The following CALM3 variants were observed in gnomAD, a reference collection of about 807,000 sequenced individuals.
The protein encoded by CALM3 is calmodulin-3.
Under a neutral mutation model 20.1 loss-of-function variants are expected in CALM3, and 5 were observed. The observed-to-expected ratio is 0.25, with a 90% CI of 0.13 to 0.52. The LOEUF (loss-of-function observed/expected upper bound fraction) is 0.52, where lower values mean the gene tolerates loss of function less well. Among genes scored for constraint, CALM3 ranks in the 20% least tolerant of loss-of-function variants. CALM3 has a pLI of 0.96. For missense variants in CALM3, 57 were observed against 192.8 expected (o/e 0.30, Z 4.17); for synonymous variants, 69 against 68.1 (o/e 1.01, Z -0.06).
At position 46,605,929 on chromosome 19, in the gene CALM3, G is replaced by A; in HGVS notation, c.34+72G>A. 1 of 1,365,578 alleles carries A rather than the reference G, an allele frequency of 7.3e-7. No individual in the cohort carries two copies. Among genetic ancestry groups the A allele is most frequent in the Non-Finnish European group, 1.0e-6 (1 of 954,612 alleles). 84.6% of individuals were successfully genotyped at this position (1,365,578 alleles called of 1,614,324 possible). A position where few individuals can be genotyped will look rare whatever the true frequency, so the allele number is the denominator to read the frequency against. ...CCCCAGCCAAATCTTAGCCACTGAG[G>A]AGTGACATCTGATGGGTGAACCTGT... is the stretch of plus-strand genomic sequence containing the variant. On this transcript the variant is annotated intron_variant, in intron 2 of 5. Transcript: ENST00000291295. This position sits in a 1 kb window ranked among gnomAD's most constrained non-coding sequence, Gnocchi z 4.1.
At position 46,601,787 on chromosome 19, in the gene CALM3, G is replaced by A. The variant is rs1256877052; in HGVS notation, c.3+350G>A. Reference sequence around the variant, plus strand: ...ATGGGGCGTTGGGTTTCAGGATGGAGGTGTTTGGACCCCAGGGGACGAAAT... The same window carrying A: ...ATGGGGCGTTGGGTTTCAGGATGGAAGTGTTTGGACCCCAGGGGACGAAAT... On this transcript the variant is annotated intron_variant, in intron 1 of 5. Transcript: ENST00000291295. This position sits in a 1 kb window ranked among gnomAD's most constrained non-coding sequence, Gnocchi z 4.2. Among the ~76,000 whole-genome samples, 1 of 152,198 alleles carries A rather than the reference G, an allele frequency of 6.6e-6. No homozygotes were observed. The highest frequency in any genetic ancestry group is 1.5e-5 in the Non-Finnish European group (1 of 68,036).
In CALM3 at chr19:46,605,445, G is replaced by C. The variant is rs1054764756; in HGVS notation, c.4-382G>C. 2.2e-5 allele frequency: 5 copies of C among 224,640 alleles called. No homozygotes were observed. The highest frequency in any genetic ancestry group is 4.7e-5 in the African/African-American group (2 of 42,974). The allele number at this position is 224,640 out of a possible 1,614,324, so 13.9% of individuals were successfully genotyped here. A position where few individuals can be genotyped will look rare whatever the true frequency, so the allele number is the denominator to read the frequency against. On this transcript the variant is annotated intron_variant, in intron 1 of 5. Coordinates refer to ENST00000291295, the MANE Select transcript of CALM3 (RefSeq NM_005184.4). The surrounding 1 kb of genome is among the most constrained non-coding windows in gnomAD (Gnocchi z 4.1). ...TCGTTCCCTTCACTCGGCCTCTGGG[G>C]CTCTCACTGATGAGATGCAAACCTG...
chr19:46,609,188 T>C lies in CALM3; in HGVS notation c.*35T>C, dbSNP rs1357645531. 6.2e-7 allele frequency: 1 copy of C among 1,610,290 alleles called. No homozygotes were observed. Among genetic ancestry groups the C allele is most frequent in the East Asian group, 2.2e-5 (1 of 44,816 alleles). On this transcript the variant is annotated 3_prime_UTR_variant, in exon 6 of 6. Transcript: ENST00000291295. ...GGGCAGCTGGCGATGCCCGTTCTCTTGATCTCTCTCTTCTCGCGCGCGCAC... is the reference window on the plus strand; with the variant it reads ...GGGCAGCTGGCGATGCCCGTTCTCTCGATCTCTCTCTTCTCGCGCGCGCAC...
At chr19:46,604,863 A>G (rs1372610070) in intron 1 of CALM3, among the ~76,000 whole-genome samples, 2 of 152,056 alleles carry the variant, frequency 1.3e-5, no homozygotes, top group Non-Finnish European at 2.9e-5. Flanking sequence ...GCTAAAGCTA[A>G]ATGTTGGGAT....
At position 46,605,025 on chromosome 19, in the gene CALM3, GC is replaced by G. The variant is rs1971712847; in HGVS notation, c.4-800del. Among the ~76,000 whole-genome samples, 1 of 152,106 alleles carries G rather than the reference GC, an allele frequency of 6.6e-6. No homozygotes were observed. Among genetic ancestry groups the G allele is most frequent in the African/African-American group, 2.4e-5 (1 of 41,426 alleles). On this transcript the variant is annotated intron_variant, in intron 1 of 5. Transcript: ENST00000291295. This position sits in a 1 kb window ranked among gnomAD's most constrained non-coding sequence, Gnocchi z 4.1. Reference sequence around the variant, plus strand: ...AGCAAGGGCTGCCTGCCACCCACTGGCCAGTCCCCAGAGTGCCCAAGCTGGA... The same window carrying G: ...AGCAAGGGCTGCCTGCCACCCACTGGCAGTCCCCAGAGTGCCCAAGCTGGA...
At position 46,601,831 on chromosome 19, in the gene CALM3, A is replaced by G. The variant is rs1971624336; in HGVS notation, c.3+394A>G. Among the ~76,000 whole-genome samples, 1 of 150,856 alleles carries G rather than the reference A, an allele frequency of 6.6e-6. No homozygotes were observed. The highest frequency in any genetic ancestry group is 1.5e-5 in the Non-Finnish European group (1 of 67,796). On this transcript the variant is annotated intron_variant, in intron 1 of 5. Coordinates refer to ENST00000291295, the MANE Select transcript of CALM3 (RefSeq NM_005184.4). This position sits in a 1 kb window ranked among gnomAD's most constrained non-coding sequence, Gnocchi z 4.2. ...ACGAAATAAGAAAGATGGGCTGGGGAGGGGAGCTATTCGGGCCCTGATGAA... is the reference window on the plus strand; with the variant it reads ...ACGAAATAAGAAAGATGGGCTGGGGGGGGGAGCTATTCGGGCCCTGATGAA...
chr19:46,601,340 G>C lies in CALM3; in HGVS notation c.-95G>C. On this transcript the variant is annotated 5_prime_UTR_variant, in exon 1 of 6. Transcript: ENST00000291295. This position sits in a 1 kb window ranked among gnomAD's most constrained non-coding sequence, Gnocchi z 4.2. ...GCGCGCGCTGCGGGCAGTGAGTGTG[G>C]AGGCGCGGACGCGCGGCGGAGCTGG... 2 of 1,353,720 alleles carry C rather than the reference G, an allele frequency of 1.5e-6. No individual in the cohort carries two copies. Among genetic ancestry groups the C allele is most frequent in the South Asian group, 2.7e-5 (2 of 74,750 alleles). The allele number at this position is 1,353,720 out of a possible 1,614,324, so 83.9% of individuals were successfully genotyped here.
In CALM3 at chr19:46,602,017, G is replaced by A. The variant is rs1013255057; in HGVS notation, c.3+580G>A. ...TCAAGGATGGGCGGTCACTTCTACA[G>A]ATGAGACTCCCGAGGGTGGGGGAGG... On this transcript the variant is annotated intron_variant, in intron 1 of 5. Coordinates refer to ENST00000291295, the MANE Select transcript of CALM3 (RefSeq NM_005184.4). 9 of 1,018,774 alleles carry A rather than the reference G, an allele frequency of 8.8e-6. No homozygotes were observed. The African/African-American group carries it at 1.4e-4, about 16-fold the overall frequency. The allele number at this position is 1,018,774 out of a possible 1,614,324, so 63.1% of individuals were successfully genotyped here.
At chr19:46,604,117 G>A (rs1971691253) in intron 1 of CALM3, among the ~76,000 whole-genome samples, 1 of 152,098 alleles carries the variant, frequency 6.6e-6, no homozygotes, top group South Asian at 2.1e-4. Flanking sequence ...TCCCCACACT[G>A]CTGCCCTCCT....
Position 46,605,696 on chromosome 19 carries a change from T to C in CALM3, c.4-131T>C. On this transcript the variant is annotated intron_variant, in intron 1 of 5. Transcript: ENST00000291295. The surrounding 1 kb of genome is among the most constrained non-coding windows in gnomAD (Gnocchi z 4.1). Reference sequence around the variant, plus strand: ...TCTGCCTCAGACCCTGACTCTGGCATGCTCCTCCCTGGCCCGGCGGGAATG... The same window carrying C: ...TCTGCCTCAGACCCTGACTCTGGCACGCTCCTCCCTGGCCCGGCGGGAATG... 1.3e-6 allele frequency: 1 copy of C among 790,956 alleles called. No individual in the cohort carries two copies. Among genetic ancestry groups the C allele is most frequent in the Non-Finnish European group, 2.2e-6 (1 of 462,640 alleles). The allele number at this position is 790,956 out of a possible 1,614,324, so 49.0% of individuals were successfully genotyped here. A position where few individuals can be genotyped will look rare whatever the true frequency, so the allele number is the denominator to read the frequency against.
intron 1 of CALM3, chr19:46,602,591 C>A: frequency 5.0e-6 from 1 of 201,534 alleles, no homozygotes; most frequent in Non-Finnish European, 1.0e-5. Context: ...CGTCCTCCTT[C>A]CTCAGGAAGA....
In CALM3 at chr19:46,605,189, G is replaced by A. The variant is rs1050750642; in HGVS notation, c.4-638G>A. Reference sequence around the variant, plus strand: ...GTGCCCTCACTGTGCGCAGGGGGTGGAGCGCCTGCCTCCAGCCTGACCAGA... The same window carrying A: ...GTGCCCTCACTGTGCGCAGGGGGTGAAGCGCCTGCCTCCAGCCTGACCAGA... On this transcript the variant is annotated intron_variant, in intron 1 of 5. Coordinates refer to ENST00000291295, the MANE Select transcript of CALM3 (RefSeq NM_005184.4). This position sits in a 1 kb window ranked among gnomAD's most constrained non-coding sequence, Gnocchi z 4.1. 2.0e-5 allele frequency: 3 copies of A among 152,502 alleles called. No homozygotes were observed. The highest frequency in any genetic ancestry group is 4.4e-5 in the Non-Finnish European group (3 of 68,280). The allele number at this position is 152,502 out of a possible 1,614,324, so 9.4% of individuals were successfully genotyped here. A position where few individuals can be genotyped will look rare whatever the true frequency, so the allele number is the denominator to read the frequency against.
At position 46,608,799 on chromosome 19, in the gene CALM3, C is replaced by T; in HGVS notation, c.286-47C>T. On this transcript the variant is annotated intron_variant, in intron 4 of 5. Transcript: ENST00000291295. This position sits in a 1 kb window ranked among gnomAD's most constrained non-coding sequence, Gnocchi z 5.5. ...AGCCACCCCTCTCACTGCCTCTCTC[C>T]CCACCGGGAGAAGTGCCCAGTGAAA... 1 of 1,528,152 alleles carries T rather than the reference C, an allele frequency of 6.5e-7. No homozygotes were observed. The highest frequency in any genetic ancestry group is 8.8e-7 in the Non-Finnish European group (1 of 1,137,318). The allele number at this position is 1,528,152 out of a possible 1,614,324, so 94.7% of individuals were successfully genotyped here. A position where few individuals can be genotyped will look rare whatever the true frequency, so the allele number is the denominator to read the frequency against.
chr19:46,607,977 C>G, intron 2 of CALM3: 1 of 531,112 alleles, frequency 1.9e-6, no homozygotes, highest in Non-Finnish European at 3.4e-6. Flanking sequence ...CTTCACCTAG[C>G]ACAGTGTTGA....
rs1409015616 is a variant in CALM3 at position 46,610,462 on chromosome 19, C to G, written c.*1309C>G. Reference sequence around the variant, plus strand: ...TTCTGTTCATTTCATCTGGCTCCCCCCACCACCTCCCCACCCCACCCCCCA... The same window carrying G: ...TTCTGTTCATTTCATCTGGCTCCCCGCACCACCTCCCCACCCCACCCCCCA... On this transcript the variant is annotated 3_prime_UTR_variant, in exon 6 of 6. Coordinates refer to ENST00000291295, the MANE Select transcript of CALM3 (RefSeq NM_005184.4). The G allele has an allele frequency of 6.6e-6, 1 of 150,512 alleles. No homozygotes were observed. The highest frequency in any genetic ancestry group is 6.6e-5 in the Admixed American group (1 of 15,064). The allele number at this position is 150,512 out of a possible 1,614,324, so 9.3% of individuals were successfully genotyped here. A position where few individuals can be genotyped will look rare whatever the true frequency, so the allele number is the denominator to read the frequency against.
At chr19:46,602,240 G>C in intron 1 of CALM3, 2 of 1,343,454 alleles carry the variant, frequency 1.5e-6, no homozygotes, top group Non-Finnish European at 2.0e-6. Context: ...GTAGTCGGGG[G>C]ACAGGGACCC....
At chr19:46,603,367 C>A (rs1285765775) in intron 1 of CALM3, among the ~76,000 whole-genome samples, 1 of 152,232 alleles carries the variant, frequency 6.6e-6, no homozygotes, top group African/African-American at 2.4e-5. Flanking sequence ...AGAGGTGGGA[C>A]AAGTCACTGG....
chr19:46,605,740 A>G lies in CALM3; in HGVS notation c.4-87A>G. 1 of 1,372,096 alleles carries G rather than the reference A, an allele frequency of 7.3e-7. No individual in the cohort carries two copies. The highest frequency in any genetic ancestry group is 1.0e-6 in the Non-Finnish European group (1 of 962,356). 85.0% of individuals were successfully genotyped at this position (1,372,096 alleles called of 1,614,324 possible). ...GGGAATGGCACGTGGAGCTGGCCTCACTGGGGCCGAGGGTCTGGGCTGAGT... is the reference window on the plus strand; with the variant it reads ...GGGAATGGCACGTGGAGCTGGCCTCGCTGGGGCCGAGGGTCTGGGCTGAGT... On this transcript the variant is annotated intron_variant, in intron 1 of 5. Transcript: ENST00000291295. The surrounding 1 kb of genome is among the most constrained non-coding windows in gnomAD (Gnocchi z 4.1).
Position 46,610,357 on chromosome 19 carries a change from C to G in CALM3, c.*1204C>G, listed in dbSNP as rs1217930678. 1 of 152,502 alleles carries G rather than the reference C, an allele frequency of 6.6e-6. No individual in the cohort carries two copies. The highest frequency in any genetic ancestry group is 1.5e-5 in the Non-Finnish European group (1 of 68,158). The allele number at this position is 152,502 out of a possible 1,614,324, so 9.4% of individuals were successfully genotyped here. ...ATACTCCCCCAGCGGAGAGCATGAT[C>G]CGTGCCCTTGCTTCTGACTTTCGCC... On this transcript the variant is annotated 3_prime_UTR_variant, in exon 6 of 6. Coordinates refer to ENST00000291295, the MANE Select transcript of CALM3 (RefSeq NM_005184.4).
Sources: gnomAD v4.1 joint callset for allele counts (sites outside exome capture counted in the v4.1 genomes callset) on GRCh38, gnomAD v4.1.1 for gene constraint, Gnocchi (gnomAD v3.1) non-coding constraint, MANE v1.5 for transcripts, NCBI Gene and HGNC (gene_info 2026-07-23, HGNC 2026-07-21) for gene names.